The following WWTR1 variants were observed in gnomAD, a reference collection of about 807,000 sequenced individuals.
WWTR1 encodes the protein WW domain-containing transcription regulator protein 1.
A neutral mutation model predicts 40.1 loss-of-function variants in WWTR1; 13 were observed. The observed-to-expected ratio is 0.32, with a 90% confidence interval of 0.21 to 0.52. The LOEUF (loss-of-function observed/expected upper bound fraction) is 0.52, where lower values mean the gene tolerates loss of function less well. WWTR1 is among the 20% of genes least tolerant of loss of function. The pLI, the probability that WWTR1 is intolerant of heterozygous loss-of-function variation, is 0.97. For missense variants in WWTR1, 436 were observed against 523.1 expected (o/e 0.83, Z 1.63); for synonymous variants, 230 against 210.1 (o/e 1.09, Z -0.82).
At position 149,524,153 on chromosome 3, in the gene WWTR1, G is replaced by A. The variant is rs974798507; in HGVS notation, c.1018+1860C>T. On this transcript the variant is annotated intron_variant, in intron 6 of 6. Transcript: ENST00000360632. ...CGGAGGTTATGCAACTTACCCAAAG[G>A]CGCTACTAGGAATGGAGAAGCAAGG... is the stretch of plus-strand genomic sequence containing the variant. Among the ~76,000 whole-genome samples, 5 of 152,250 alleles carry A rather than the reference G, an allele frequency of 3.3e-5. No individual in the cohort carries two copies. In the South Asian group the frequency reaches 8.3e-4, roughly 25 times the overall value.
intron 1 of WWTR1, among the ~76,000 whole-genome samples, chr3:149,683,876 C>G (rs978420622): frequency 6.6e-6 from 1 of 151,994 alleles, no homozygotes; most frequent in Non-Finnish European, 1.5e-5. Flanking sequence ...GCTCCTGTTA[C>G]TGTAGTTTGA....
Position 149,551,822 on chromosome 3 carries a change from T to C in WWTR1, c.569-9285A>G, listed in dbSNP as rs187961107. ...CCTTAAAAAGAGAACCAGGAGCCAG[T>C]ACAAAATGACCTTTCATTATTCAGA... On this transcript the variant is annotated intron_variant, in intron 3 of 6. Coordinates refer to ENST00000360632, the MANE Select transcript of WWTR1 (RefSeq NM_015472.6). 1.7e-3 allele frequency among the ~76,000 whole-genome samples: 250 copies of C among 145,890 alleles called. 36 individuals are homozygous for C. Among genetic ancestry groups the C allele is most frequent in the African/African-American group, 6.4e-3 (245 of 38,478 alleles).
intron 4 of WWTR1, chr3:149,540,358 G>C: frequency 2.3e-6 from 1 of 444,400 alleles, no homozygotes; most frequent in Non-Finnish European, 4.6e-6. Context: ...AAACAATTTG[G>C]GGCACTTTTC....
chr3:149,682,207 A>G (rs1042184556), intron 1 of WWTR1, among the ~76,000 whole-genome samples: 10 of 152,134 alleles, frequency 6.6e-5, no homozygotes, highest in African/African-American at 2.4e-4. Context: ...ACAAAGACCA[A>G]CCATCATTGG....
chr3:149,691,681 A>C (rs551956231), intron 1 of WWTR1, among the ~76,000 whole-genome samples: 1 of 152,318 alleles, frequency 6.6e-6, no homozygotes, highest in East Asian at 1.9e-4. Flanking sequence ...CAGCAAAAAA[A>C]AACCTGGGAC....
At chr3:149,576,730 C>A (rs1737898126) in intron 2 of WWTR1, among the ~76,000 whole-genome samples, 1 of 151,896 alleles carries the variant, frequency 6.6e-6, no homozygotes, top group African/African-American at 2.4e-5. Context: ...GTGATATATG[C>A]AAATAACAGG....
chr3:149,520,940 A>T lies in WWTR1; in HGVS notation c.1068T>A (p.Arg356=). The change falls in exon 7 of 7, where the codon CGT becomes CGA. Residue 356 remains arginine, a synonymous_variant. Transcript: ENST00000360632. ...GAAGACAGTCAAGGAAATCAGGGAA[A>T]CGGGTCTGTTGGGGATTGATGTTCA... ...TPMNINPQQT[R]FPDFLDCLPG... is the part of the protein sequence containing the mutation. 1 of 1,613,198 alleles carries T rather than the reference A, an allele frequency of 6.2e-7. No individual in the cohort carries two copies. Among genetic ancestry groups the T allele is most frequent in the South Asian group, 1.1e-5 (1 of 90,774 alleles).
At chr3:149,547,659 C>A (rs1736428463) in intron 3 of WWTR1, among the ~76,000 whole-genome samples, 1 of 152,100 alleles carries the variant, frequency 6.6e-6, no homozygotes, top group African/African-American at 2.4e-5. Context: ...GCCAGTCCCC[C>A]CAGAAAGGAA....
intron 1 of WWTR1, among the ~76,000 whole-genome samples, chr3:149,683,612 G>A (rs1714532945): frequency 6.6e-6 from 1 of 152,116 alleles, no homozygotes; most frequent in South Asian, 2.1e-4. Context: ...GAGAATCTCT[G>A]GAACCTGGGA....
intron 3 of WWTR1, among the ~76,000 whole-genome samples, chr3:149,543,580 C>CAAAAAAAAAAAAAAAAAAAAAAAAAAA (rs755442408): frequency 6.4e-5 from 2 of 31,226 alleles, no homozygotes; most frequent in African/African-American, 1.1e-4. Flanking sequence ...GACTCTGTCT[C>CAAAAAAAAAAAAAAAAAAAAAAAAAAA]AAAAAAAAAA....
chr3:149,520,924 C>T lies in WWTR1; in HGVS notation c.1084G>A (p.Asp362Asn), dbSNP rs1735013688. ...TCAACGTTTGTTCCTGGAAGACAGT[C>T]AAGGAAATCAGGGAAACGGGTCTGT... Reference protein sequence around the residue: ...PQQTRFPDFLDCLPGTNVDLG... With the variant: ...PQQTRFPDFLNCLPGTNVDLG... Residue 362 changes from aspartate to asparagine, a missense_variant, in exon 7 of 7, where the codon GAC becomes AAC. Physicochemically the swap from Asp to Asn is conservative, Grantham distance 23. Coordinates refer to ENST00000360632, the MANE Select transcript of WWTR1 (RefSeq NM_015472.6). The T allele has an allele frequency of 1.2e-6, 2 of 1,613,312 alleles. No individual in the cohort carries two copies. Among genetic ancestry groups the T allele is most frequent in the Non-Finnish European group, 1.7e-6 (2 of 1,179,702 alleles).
chr3:149,574,281 C>T (rs148294865), intron 2 of WWTR1, among the ~76,000 whole-genome samples: 3 of 152,168 alleles, frequency 2.0e-5, no homozygotes, highest in African/African-American at 7.2e-5. Flanking sequence ...CTCAAGTGAT[C>T]CTCCCACCTC....
At chr3:149,675,926 C>T (rs66506027) in intron 1 of WWTR1, among the ~76,000 whole-genome samples, 28,623 of 151,964 alleles carry the variant, frequency 0.19, 2,934 homozygotes, top group Admixed American at 0.3. Flanking sequence ...ACCATGGTCT[C>T]GATCTCCTGA....
chr3:149,557,061 C>CTTCTTTTTTT (rs1736861010), intron 3 of WWTR1, among the ~76,000 whole-genome samples: 1 of 64,374 alleles, frequency 1.6e-5, no homozygotes, highest in East Asian at 7.3e-4. Context: ...CTGGAATCTT[C>CTTCTTTTTTT]TTTTTTTTTT....
At chr3:149,622,577 G>A (rs1046873612) in intron 2 of WWTR1, among the ~76,000 whole-genome samples, 6 of 151,810 alleles carry the variant, frequency 4.0e-5, no homozygotes, top group African/African-American at 9.7e-5. Flanking sequence ...GCGTCCAGGC[G>A]CAGTGGCTCA....
At chr3:149,656,850 C>A (rs778981033) in intron 2 of WWTR1, 26 bp downstream of exon 2, 2 of 1,500,290 alleles carry the variant, frequency 1.3e-6, no homozygotes, top group African/African-American at 1.4e-5. Flanking sequence ...TGACTTGGTG[C>A]CTTCTTCGGC....
chr3:149,585,693 T>C (rs1023201451), intron 2 of WWTR1, among the ~76,000 whole-genome samples: 3 of 152,172 alleles, frequency 2.0e-5, no homozygotes, highest in Admixed American at 2.0e-4. Context: ...AGCACAAGAT[T>C]TTCTCTCCCA....
At chr3:149,604,710 C>T (rs192084764) in intron 2 of WWTR1, among the ~76,000 whole-genome samples, 64 of 152,324 alleles carry the variant, frequency 4.2e-4, no homozygotes, top group Middle Eastern at 3.4e-3. Flanking sequence ...AGGCTGCTGG[C>T]CTTCCGTGTG....
intron 3 of WWTR1, among the ~76,000 whole-genome samples, chr3:149,555,150 C>T (rs368596753): frequency 5.3e-5 from 8 of 152,148 alleles, no homozygotes; most frequent in Non-Finnish European, 8.8e-5. Context: ...TAAGAGAAAA[C>T]GAATCTACAG....
Sources: allele counts gnomAD v4.1 joint callset (sites outside exome capture counted in the v4.1 genomes callset), GRCh38; gene constraint gnomAD v4.1.1; transcripts MANE v1.5; gene names NCBI Gene and HGNC (gene_info 2026-07-23, HGNC 2026-07-21).